Variants in CDK6 observed in about 807,000 individuals in gnomAD.
CDK6 encodes the protein cyclin dependent kinase 6.
A neutral mutation model predicts 37.1 loss-of-function variants in CDK6; 6 were observed. The ratio of observed to expected loss-of-function variants is 0.16; its 90% CI spans 0.09 to 0.32. The LOEUF (loss-of-function observed/expected upper bound fraction) is 0.32. Among genes scored for constraint, CDK6 ranks in the 10% least tolerant of loss-of-function variants. The pLI is 1.00. For synonymous variants in CDK6, 160 were observed against 161.3 expected, an observed-to-expected ratio of 0.99 and a Z score of 0.06; for missense variants, 224 against 418.9, an observed-to-expected ratio of 0.53 and a Z score of 4.06.
At chr7:92,771,833 G>C (rs924112087) in intron 3 of CDK6, among the ~76,000 whole-genome samples, 1 of 152,130 alleles carries the variant, frequency 6.6e-6, no homozygotes. Flanking sequence ...AACAATATTT[G>C]CTTGATCTAG....
Position 92,653,342 on chromosome 7 carries a change from G to A in CDK6, c.647+18084C>T, listed in dbSNP as rs1018654156. Among the ~76,000 whole-genome samples, 13 of 152,156 alleles carry A rather than the reference G, an allele frequency of 8.5e-5. 1 individual carries two copies. The South Asian group carries it at 1.2e-3, about 15-fold the overall frequency. ...AGCAGCCCTAAGAATGCATCTCAGG[G>A]CTCCTGTTTGAAATCCTGACACAGA... On this transcript the variant is annotated intron_variant, in intron 5 of 7. Transcript: ENST00000424848.
In CDK6 at chr7:92,609,130, G is replaced by C. The variant is rs1372419350; in HGVS notation, c.*6010C>G. On this transcript the variant is annotated 3_prime_UTR_variant, in exon 8 of 8. Coordinates refer to ENST00000424848, the MANE Select transcript of CDK6 (RefSeq NM_001145306.2). Reference sequence around the variant, plus strand: ...CAGTATGAATTACTGAGACTCATCTGCTTGCCACTCAGGAGGAAAGTTGGG... The same window carrying C: ...CAGTATGAATTACTGAGACTCATCTCCTTGCCACTCAGGAGGAAAGTTGGG... The C allele has an allele frequency of 8.6e-6, 2 of 232,802 alleles. No individual in the cohort carries two copies. Among genetic ancestry groups the C allele is most frequent in the Non-Finnish European group, 1.7e-5 (2 of 117,854 alleles). The allele number at this position is 232,802 out of a possible 1,614,324, so 14.4% of individuals were successfully genotyped here.
intron 4 of CDK6, among the ~76,000 whole-genome samples, chr7:92,672,599 T>C (rs565986985): frequency 4.3e-5 from 6 of 138,598 alleles, no homozygotes; most frequent in South Asian, 2.6e-4. Context: ...TTTGAGTACA[T>C]AGGGGGGGTT....
chr7:92,817,041 T>C (rs1014388325), intron 2 of CDK6, among the ~76,000 whole-genome samples: 2 of 151,968 alleles, frequency 1.3e-5, no homozygotes, highest in African/African-American at 4.8e-5. Flanking sequence ...GAAAATATAA[T>C]TTGTAGTTAA....
intron 4 of CDK6, among the ~76,000 whole-genome samples, chr7:92,700,899 T>C (rs1164676971): frequency 1.3e-5 from 2 of 152,226 alleles, no homozygotes; most frequent in African/African-American, 4.8e-5. Context: ...GTCTTTAGAA[T>C]ATCCACTGCG....
chr7:92,702,769 A>G (rs1797881643), intron 4 of CDK6, among the ~76,000 whole-genome samples: 1 of 152,166 alleles, frequency 6.6e-6, no homozygotes, highest in Admixed American at 6.5e-5. Flanking sequence ...AAGTCAGCAC[A>G]GTGCTGGTGG....
intron 3 of CDK6, among the ~76,000 whole-genome samples, chr7:92,761,285 T>C (rs972688417): frequency 6.6e-6 from 1 of 152,156 alleles, no homozygotes; most frequent in Non-Finnish European, 1.5e-5. Flanking sequence ...AAATTAATAA[T>C]AGCTCTCTCC....
At chr7:92,702,524 T>C (rs868583140) in intron 4 of CDK6, among the ~76,000 whole-genome samples, 17 of 152,228 alleles carry the variant, frequency 1.1e-4, no homozygotes, top group Middle Eastern at 3.4e-3. Context: ...TGAGCTACCA[T>C]GGTCAGCCTC....
intron 5 of CDK6, among the ~76,000 whole-genome samples, chr7:92,664,399 G>A (rs940124739): frequency 1.3e-5 from 2 of 152,188 alleles, no homozygotes. Context: ...TGTCACTAGG[G>A]AGGGTGCTCA....
chr7:92,690,627 A>G (rs1016039586), intron 4 of CDK6, among the ~76,000 whole-genome samples: 3 of 152,210 alleles, frequency 2.0e-5, no homozygotes, highest in Admixed American at 6.5e-5. Context: ...TCCCCCTCAC[A>G]TAACATCTAT....
intron 2 of CDK6, among the ~76,000 whole-genome samples, chr7:92,812,570 G>C (rs546535482): frequency 6.6e-6 from 1 of 152,040 alleles, no homozygotes; most frequent in South Asian, 2.1e-4. Flanking sequence ...AGAGGTGAGT[G>C]CCACTATACC....
chr7:92,738,140 C>A (rs1416734867), intron 3 of CDK6, among the ~76,000 whole-genome samples: 2 of 151,980 alleles, frequency 1.3e-5, no homozygotes, highest in African/African-American at 2.4e-5. Flanking sequence ...GAAGGAGGAC[C>A]ATGTACTCCT....
intron 2 of CDK6, among the ~76,000 whole-genome samples, chr7:92,814,158 T>C (rs1445996439): frequency 1.3e-5 from 2 of 152,228 alleles, no homozygotes; most frequent in East Asian, 1.9e-4. Flanking sequence ...TTACAATTTA[T>C]ATCAGCTGTT....
At position 92,615,100 on chromosome 7, in the gene CDK6, G is replaced by A. The variant is rs1164024775; in HGVS notation, c.*40C>T. The A allele has an allele frequency of 6.2e-7, 1 of 1,610,290 alleles. No homozygotes were observed. Among genetic ancestry groups the A allele is most frequent in the Non-Finnish European group, 8.5e-7 (1 of 1,178,332 alleles). On this transcript the variant is annotated 3_prime_UTR_variant, in exon 8 of 8. Coordinates refer to ENST00000424848, the MANE Select transcript of CDK6 (RefSeq NM_001145306.2). ...GAGGGGGACCCATAAGCCACCAAGG[G>A]TGTTCTCCGCAGGATCAGCTTAAGG...
intron 4 of CDK6, among the ~76,000 whole-genome samples, chr7:92,688,022 A>C (rs931205486): frequency 1.1e-4 from 17 of 152,280 alleles, no homozygotes; most frequent in African/African-American, 4.1e-4. Flanking sequence ...TTTGTTTAGC[A>C]ATTTTTTCTG....
At chr7:92,763,864 T>C (rs893203887) in intron 3 of CDK6, among the ~76,000 whole-genome samples, 1 of 152,154 alleles carries the variant, frequency 6.6e-6, no homozygotes, top group Admixed American at 6.5e-5. Flanking sequence ...AGAGGGTACT[T>C]ATTAGAAACT....
chr7:92,784,338 G>C (rs1435486214), intron 2 of CDK6, among the ~76,000 whole-genome samples: 1 of 151,984 alleles, frequency 6.6e-6, no homozygotes, highest in African/African-American at 2.4e-5. Context: ...AATAGATTTG[G>C]AAGTTCAAAG....
chr7:92,828,702 T>C (rs1801396672), intron 2 of CDK6, among the ~76,000 whole-genome samples: 2 of 152,200 alleles, frequency 1.3e-5, no homozygotes, highest in Non-Finnish European at 2.9e-5. Flanking sequence ...AGTTTTCCTC[T>C]TATAGACCTT....
chr7:92,638,470 T>G (rs1174018839), intron 5 of CDK6, among the ~76,000 whole-genome samples: 8 of 152,180 alleles, frequency 5.3e-5, no homozygotes, highest in Non-Finnish European at 8.8e-5. Flanking sequence ...AATGCCCAGA[T>G]AGAAGGATGC....
Sources: allele counts gnomAD v4.1 joint callset (sites outside exome capture counted in the v4.1 genomes callset), GRCh38; gene constraint gnomAD v4.1.1; transcripts MANE v1.5; gene names NCBI Gene and HGNC (gene_info 2026-07-23, HGNC 2026-07-21).